Variants in CANX observed in about 807,000 individuals in gnomAD.
The protein encoded by CANX is calnexin, also known as epididymis secretory sperm binding protein.
In CANX, 14 loss-of-function variants were observed where a neutral mutation model predicts 75.7. The ratio of observed to expected loss-of-function variants is 0.19; its 90% CI spans 0.12 to 0.29. The LOEUF (loss-of-function observed/expected upper bound fraction) is 0.29, where lower values mean the gene tolerates loss of function less well. Among genes scored for constraint, CANX ranks in the 10% least tolerant of loss-of-function variants. The probability of loss-of-function intolerance (pLI) is 1.00; values close to 1 mark genes in which losing one functional copy is unlikely to be tolerated. For synonymous variants in CANX, 227 were observed against 236.9 expected (o/e 0.96, Z 0.38); for missense variants, 567 against 713.2 (o/e 0.79, Z 2.34).
At chr5:179,682,419 AC>A (rs1368826753) in intron 1 of CANX, among the ~76,000 whole-genome samples, 19 of 152,076 alleles carry the variant, frequency 1.2e-4, no homozygotes, top group African/African-American at 4.3e-4. Flanking sequence ...TAATAAAAAT[AC>A]AAAAAATTGG....
intron 7 of CANX, among the ~76,000 whole-genome samples, chr5:179,713,057 CT>C: frequency 6.6e-6 from 1 of 152,062 alleles, no homozygotes; most frequent in East Asian, 1.9e-4. Flanking sequence ...GTGTGAGTCA[CT>C]GTACCCAGCC....
Position 179,726,736 on chromosome 5 carries a change from G to A in CANX, c.1702G>A (p.Glu568Lys), listed in dbSNP as rs1278285093. 2 of 1,613,532 alleles carry A rather than the reference G, an allele frequency of 1.2e-6. No individual in the cohort carries two copies. The highest frequency in any genetic ancestry group is 1.7e-5 in the Admixed American group (1 of 59,998). The change falls in exon 14 of 15, where the codon GAA becomes AAA. Residue 568 changes from glutamate (E) to lysine (K), a missense_variant. Transcript: ENST00000247461. ...TGGTGGCACTGTCAGTCAAGAGGAGGAAGACAGAAAACCTAAAGCAGAGGT... is the reference window on the plus strand; with the variant it reads ...TGGTGGCACTGTCAGTCAAGAGGAGAAAGACAGAAAACCTAAAGCAGAGGT... Reference protein sequence around the residue: ...EDGGTVSQEEEDRKPKAEEDE... With the variant: ...EDGGTVSQEEKDRKPKAEEDE...
intron 1 of CANX, among the ~76,000 whole-genome samples, chr5:179,690,611 G>T (rs1027027976): frequency 6.1e-5 from 9 of 147,480 alleles, no homozygotes; most frequent in African/African-American, 7.5e-5. Context: ...CTGAAAAAAG[G>T]CTGGGCCCAG....
intron 1 of CANX, among the ~76,000 whole-genome samples, chr5:179,681,189 C>A (rs781466561): frequency 5.9e-4 from 90 of 152,256 alleles, no homozygotes; most frequent in Non-Finnish European, 1.0e-3. Flanking sequence ...TCATTGAGCA[C>A]CTACTGTGTT....
At chr5:179,726,657 C>G in intron 13 of CANX, 23 bp from the exon 14 acceptor site, 1 of 1,530,892 alleles carries the variant, frequency 6.5e-7, no homozygotes, top group Non-Finnish European at 9.0e-7. Context: ...AGGTTTTGCT[C>G]AGTTGTTTAA....
rs369724689 is a variant in CANX at position 179,722,801 on chromosome 5, T to C, written c.1183-3T>C. 1.6e-5 allele frequency: 25 copies of C among 1,588,910 alleles called. No homozygotes were observed. The African/African-American group carries it at 3.0e-4, about 19-fold the overall frequency. ...TGATTTTCTGAAACATTTTTTTTTC[T>C]AGGGAATCTGGAAACCCAGGAAAAT... On this transcript the variant is annotated splice_region_variant and splice_polypyrimidine_tract_variant and intron_variant, in intron 10 of 14. Coordinates refer to ENST00000247461, the MANE Select transcript of CANX (RefSeq NM_001746.4).
intron 1 of CANX, among the ~76,000 whole-genome samples, chr5:179,689,357 A>G (rs1467947100): frequency 1.3e-5 from 2 of 149,844 alleles, no homozygotes; most frequent in Non-Finnish European, 3.0e-5. Context: ...TACCAAAAAG[A>G]GAAAGCTACA....
At position 179,723,708 on chromosome 5, in the gene CANX, C is replaced by T. The variant is rs1324108247; in HGVS notation, c.1447C>T (p.Leu483=). 2 of 1,613,596 alleles carry T rather than the reference C, an allele frequency of 1.2e-6. No individual in the cohort carries two copies. The highest frequency in any genetic ancestry group is 1.7e-6 in the Non-Finnish European group (2 of 1,179,760). The change falls in exon 12 of 15, where the codon CTG becomes TTG. Residue 483 remains leucine (L), a synonymous_variant. Coordinates refer to ENST00000247461, the MANE Select transcript of CANX (RefSeq NM_001746.4). The stretch of plus-strand genomic sequence containing the variant: ...CGAGGCAGCTGAAGAGCGCCCGTGG[C>T]TGTGGGTAGTCTATATTCTAACTGT... ...MIEAAEERPW[L]WVVYILTVAL...
At chr5:179,724,451 T>G (rs1659482735) in intron 12 of CANX, among the ~76,000 whole-genome samples, 1 of 152,184 alleles carries the variant, frequency 6.6e-6, no homozygotes, top group Admixed American at 6.5e-5. Flanking sequence ...CCTTTTGTTT[T>G]TATTGTTCTA....
intron 4 of CANX, among the ~76,000 whole-genome samples, chr5:179,707,938 G>A (rs1777272417): frequency 6.6e-6 from 1 of 152,120 alleles, no homozygotes; most frequent in South Asian, 2.1e-4. Context: ...TTGGGTTCAA[G>A]CGATTCTCCT....
In CANX at chr5:179,728,672, T is replaced by A. The variant is rs764334946; in HGVS notation, c.*28T>A. On this transcript the variant is annotated 3_prime_UTR_variant, in exon 15 of 15. Coordinates refer to ENST00000247461, the MANE Select transcript of CANX (RefSeq NM_001746.4). ...CAATCTTAAGAGCTTGATCTGTGAT[T>A]TCTTCTCCCTCCTCCCCTGCAAGAG... is the stretch of plus-strand genomic sequence containing the variant. 3 of 1,542,548 alleles carry A rather than the reference T, an allele frequency of 1.9e-6. No individual in the cohort carries two copies. In the African/African-American group the frequency reaches 4.1e-5, roughly 21 times the overall value.
rs138718968 is a variant in CANX at position 179,682,571 on chromosome 5, A to C, written c.-4+3794A>C. On this transcript the variant is annotated intron_variant, in intron 1 of 14. Transcript: ENST00000681674. Reference sequence around the variant, plus strand: ...TCTCAAAATACAAAATTAGCCGGGCATGGTGGTGTATGCCTGTAATCCTAG... The same window carrying C: ...TCTCAAAATACAAAATTAGCCGGGCCTGGTGGTGTATGCCTGTAATCCTAG... Among the ~76,000 whole-genome samples, 193 of 151,806 alleles carry C rather than the reference A, an allele frequency of 1.3e-3. 2 individuals are homozygous for C. Among genetic ancestry groups the C allele is most frequent in the African/African-American group, 4.3e-3 (179 of 41,386 alleles).
chr5:179,684,629 C>T (rs1004697216), intron 1 of CANX, among the ~76,000 whole-genome samples: 10 of 151,542 alleles, frequency 6.6e-5, no homozygotes, highest in African/African-American at 1.2e-4. Context: ...CTTGAGCCAC[C>T]GTGCCCGGCC....
chr5:179,711,389 T>C (rs1036248098), intron 7 of CANX, among the ~76,000 whole-genome samples: 5 of 152,002 alleles, frequency 3.3e-5, no homozygotes, highest in Non-Finnish European at 7.4e-5. Context: ...GCCACTGCAC[T>C]GTAGCCTGGG....
rs1204745747 is a variant in CANX at position 179,729,468 on chromosome 5, TG to T, written c.*825del. The T allele has an allele frequency of 6.5e-6, 1 of 152,986 alleles. No individual in the cohort carries two copies. The highest frequency in any genetic ancestry group is 2.4e-5 in the African/African-American group (1 of 41,454). 9.5% of individuals were successfully genotyped at this position (152,986 alleles called of 1,614,324 possible). A position where few individuals can be genotyped will look rare whatever the true frequency, so the allele number is the denominator to read the frequency against. On this transcript the variant is annotated 3_prime_UTR_variant, in exon 15 of 15. Coordinates refer to ENST00000247461, the MANE Select transcript of CANX (RefSeq NM_001746.4). ...AGGAATGCTAGCAGGGCATGGCACG[TG>T]AGCTCCGGAATAGATGTCTTCATCA...
intron 14 of CANX, among the ~76,000 whole-genome samples, chr5:179,727,821 G>GT (rs1778762170): frequency 6.6e-6 from 1 of 152,152 alleles, no homozygotes; most frequent in Non-Finnish European, 1.5e-5. Context: ...CTGGATCTTG[G>GT]TTTTGTGGTA....
intron 8 of CANX, among the ~76,000 whole-genome samples, chr5:179,719,379 A>T (rs1251095990): frequency 1.3e-5 from 2 of 152,068 alleles, no homozygotes; most frequent in Non-Finnish European, 2.9e-5. Context: ...TCGTGTGCTT[A>T]TTGTATGTTC....
upstream of CANX, among the ~76,000 whole-genome samples, chr5:179,697,103 G>A (rs776294679): frequency 1.3e-5 from 2 of 152,082 alleles, no homozygotes; most frequent in South Asian, 4.1e-4. Flanking sequence ...TGTTGCCCAG[G>A]CTGGATGAAA....
intron 14 of CANX, among the ~76,000 whole-genome samples, chr5:179,727,047 T>G (rs1778714561): frequency 6.6e-6 from 1 of 152,202 alleles, no homozygotes; most frequent in Non-Finnish European, 1.5e-5. Context: ...TTCGGGTCAT[T>G]AACAGTCTAT....
Sources: allele counts gnomAD v4.1 joint callset (sites outside exome capture counted in the v4.1 genomes callset), GRCh38; gene constraint gnomAD v4.1.1; transcripts MANE v1.5; gene names NCBI Gene and HGNC (gene_info 2026-07-23, HGNC 2026-07-21).